SYNJ1: variants seen among roughly 807,000 people sequenced by gnomAD.
The protein encoded by SYNJ1 is polyphosphatidylinositol phosphatase SYNJ1.
A neutral mutation model predicts 168.2 loss-of-function variants in SYNJ1; 78 were observed. That is an observed-to-expected ratio of 0.46 (90% CI 0.39 to 0.56). The LOEUF is 0.56. Among genes scored for constraint, SYNJ1 ranks in the 20% least tolerant of loss-of-function variants. The probability of loss-of-function intolerance (pLI) is 0.00; values close to 1 mark genes in which losing one functional copy is unlikely to be tolerated. For missense variants in SYNJ1, 1,303 were observed against 1,597.6 expected (o/e 0.82, Z 3.14); for synonymous variants, 539 against 548.6 (o/e 0.98, Z 0.24).
At chr21:32,695,841 G>GTTTTT (rs201904973) in intron 4 of SYNJ1, among the ~76,000 whole-genome samples, 21 of 127,786 alleles carry the variant, frequency 1.6e-4, no homozygotes, top group Admixed American at 2.2e-4. Flanking sequence ...TTTTTGTTTT[G>GTTTTT]TTTTGTTTTT....
intron 32 of SYNJ1, among the ~76,000 whole-genome samples, chr21:32,633,525 T>C (rs2039433743): frequency 6.6e-6 from 1 of 152,094 alleles, no homozygotes; most frequent in African/African-American, 2.4e-5. Context: ...CAGGGTTGGA[T>C]ACGATAGGGC....
At chr21:32,662,302 C>T (rs1254357567) in intron 18 of SYNJ1, among the ~76,000 whole-genome samples, 2 of 152,160 alleles carry the variant, frequency 1.3e-5, no homozygotes, top group Non-Finnish European at 2.9e-5. Flanking sequence ...CACTGATTTT[C>T]CCTGCATAGA....
At chr21:32,711,571 C>T (rs2042831046) in intron 2 of SYNJ1, among the ~76,000 whole-genome samples, 1 of 152,160 alleles carries the variant, frequency 6.6e-6, no homozygotes, top group Non-Finnish European at 1.5e-5. Flanking sequence ...ACCTCATGAT[C>T]TGCCCACCTC....
intron 14 of SYNJ1, among the ~76,000 whole-genome samples, chr21:32,671,650 T>C (rs773729579): frequency 3.9e-5 from 6 of 152,214 alleles, no homozygotes; most frequent in Non-Finnish European, 8.8e-5. Context: ...TATGAAATAA[T>C]AGGTCAGCTC....
At chr21:32,725,567 CT>C (rs1296845881) in intron 2 of SYNJ1, among the ~76,000 whole-genome samples, 1 of 152,110 alleles carries the variant, frequency 6.6e-6, no homozygotes, top group African/African-American at 2.4e-5. Flanking sequence ...ATGTCACTAT[CT>C]TTTTCCCCAT....
At chr21:32,650,770 C>A (rs2040244174) in intron 22 of SYNJ1, among the ~76,000 whole-genome samples, 1 of 152,188 alleles carries the variant, frequency 6.6e-6, no homozygotes, top group South Asian at 2.1e-4. Context: ...TGTTCCTGTT[C>A]ATTTGGTCTT....
intron 31 of SYNJ1, among the ~76,000 whole-genome samples, chr21:32,637,256 C>T (rs987759609): frequency 3.9e-4 from 59 of 151,272 alleles, no homozygotes; most frequent in Admixed American, 2.7e-3. Context: ...TTTTGCCCTT[C>T]AATTACATTT....
At chr21:32,684,897 C>T (rs554905252) in intron 9 of SYNJ1, among the ~76,000 whole-genome samples, 19 of 135,524 alleles carry the variant, frequency 1.4e-4, no homozygotes, top group African/African-American at 4.7e-4. Flanking sequence ...GACTTAAGTA[C>T]GGCCGGGCGC....
intron 21 of SYNJ1, chr21:32,654,032 G>A (rs1277829212): frequency 1.3e-5 from 2 of 152,046 alleles, no homozygotes; most frequent in Admixed American, 6.5e-5. Flanking sequence ...GAAGAGGGTC[G>A]CAGGTATGTA....
intron 16 of SYNJ1, 93 bp from the exon 17 acceptor site, chr21:32,666,228 C>T: frequency 1.4e-6 from 2 of 1,455,808 alleles, no homozygotes; most frequent in African/African-American, 1.4e-5. Context: ...TTTAAGTACA[C>T]ATGGTATGGT....
At position 32,631,779 on chromosome 21, in the gene SYNJ1, T is replaced by C. The variant is rs1246594461; in HGVS notation, c.*26A>G. 1 of 1,611,158 alleles carries C rather than the reference T, an allele frequency of 6.2e-7. No homozygotes were observed. The highest frequency in any genetic ancestry group is 8.5e-7 in the Non-Finnish European group (1 of 1,178,280). ...CTTTAATGGTGATTCTCTTTTGCCATCAGAGATTCCATTTGTTTTTACCTG... is the reference window on the plus strand; with the variant it reads ...CTTTAATGGTGATTCTCTTTTGCCACCAGAGATTCCATTTGTTTTTACCTG... On this transcript the variant is annotated 3_prime_UTR_variant, in exon 33 of 33. Coordinates refer to ENST00000674351, the MANE Select transcript of SYNJ1 (RefSeq NM_203446.3).
At chr21:32,639,174 G>T in intron 30 of SYNJ1, 49 bp from the exon 31 acceptor site, 1 of 1,512,844 alleles carries the variant, frequency 6.6e-7, no homozygotes, top group Non-Finnish European at 9.0e-7. Flanking sequence ...AGAAAACCAT[G>T]TTTTTTTCCT....
At chr21:32,691,491 G>A (rs189360864) in intron 6 of SYNJ1, among the ~76,000 whole-genome samples, 25 of 152,276 alleles carry the variant, frequency 1.6e-4, no homozygotes, top group Admixed American at 1.6e-3. Context: ...AGCAATGTGA[G>A]AATGGACTAA....
chr21:32,687,056 C>A lies in SYNJ1; in HGVS notation c.870G>T (p.Lys290Asn). Residue 290 changes from lysine to asparagine, a missense_variant, in exon 8 of 33, where the codon AAG (lysine) becomes AAT (asparagine). This residue lies in a region of SYNJ1 where 920 missense variants were observed against 1,208.8 expected (regional missense o/e 0.76). Transcript: ENST00000674351. ...PAFDRHFRTLKNLYGKQIIVN... is the reference protein window; with the variant it reads ...PAFDRHFRTLNNLYGKQIIVN... The stretch of plus-strand genomic sequence containing the variant: ...CTATTATTTGTTTACCATATAAGTT[C>A]TTAAGTGTTCTAAAATGCCTATTTA... The A allele has an allele frequency of 6.6e-7, 1 of 1,511,014 alleles. No homozygotes were observed. 93.6% of individuals were successfully genotyped at this position (1,511,014 alleles called of 1,614,324 possible).
At chr21:32,673,747 G>C (rs1408330978) in intron 13 of SYNJ1, among the ~76,000 whole-genome samples, 3 of 144,428 alleles carry the variant, frequency 2.1e-5, no homozygotes, top group African/African-American at 7.7e-5. Context: ...AAAAAAAAAA[G>C]TCAACATTAA....
chr21:32,698,505 T>C (rs1380536058), intron 4 of SYNJ1, among the ~76,000 whole-genome samples: 1 of 152,202 alleles, frequency 6.6e-6, no homozygotes, highest in Non-Finnish European at 1.5e-5. Context: ...TCCTGAACTT[T>C]GGCCTTATAA....
intron 11 of SYNJ1, among the ~76,000 whole-genome samples, chr21:32,680,190 G>A (rs1377450668): frequency 1.3e-5 from 2 of 152,108 alleles, no homozygotes; most frequent in Middle Eastern, 3.2e-3. Flanking sequence ...TTATTTCTAT[G>A]AGTTGAACAA....
chr21:32,634,701 A>G (rs1359308922), intron 32 of SYNJ1, among the ~76,000 whole-genome samples, 160 bp downstream of exon 32: 5 of 152,218 alleles, frequency 3.3e-5, no homozygotes, highest in African/African-American at 1.2e-4. Context: ...CAAAATACTA[A>G]GAAAAAGAAA....
chr21:32,664,987 C>T lies in SYNJ1; in HGVS notation c.2230G>A (p.Glu744Lys). ...TCCCAATTTTGCTGTCTTATGAGCT[C>T]TTTAACTTCTTCGTTAGGGAGATCG... ...RIDLPNEEVK[E>K]LIRQQNWDSL... is the part of the protein sequence containing the mutation. Residue 744 changes from glutamate (E) to lysine (K), a missense_variant, in exon 18 of 33, where the codon GAG (glutamate) becomes AAG (lysine). Coordinates refer to ENST00000674351, the MANE Select transcript of SYNJ1 (RefSeq NM_203446.3). 6.2e-7 allele frequency: 1 copy of T among 1,613,800 alleles called. No homozygotes were observed. Among genetic ancestry groups the T allele is most frequent in the South Asian group, 1.1e-5 (1 of 91,052 alleles).
Sources: gnomAD v4.1 joint callset for allele counts (sites outside exome capture counted in the v4.1 genomes callset) on GRCh38, gnomAD v4.1.1 for gene constraint, gnomAD v4.1.1 regional missense constraint, MANE v1.5 for transcripts, NCBI Gene and HGNC (gene_info 2026-07-23, HGNC 2026-07-21) for gene names.